The following MBOAT2 variants were observed in gnomAD, a reference collection of about 807,000 sequenced individuals.
MBOAT2 encodes membrane bound glycerophospholipid O-acyltransferase 2.
MBOAT2 carries 28 observed loss-of-function variants against 63.4 expected under a neutral mutation model. The observed-to-expected ratio is 0.44, with a 90% CI of 0.33 to 0.61. The LOEUF (loss-of-function observed/expected upper bound fraction) is 0.61. MBOAT2 is among the 20% of genes least tolerant of loss of function. The probability of loss-of-function intolerance (pLI) is 0.03; values close to 1 mark genes in which losing one functional copy is unlikely to be tolerated. For missense variants in MBOAT2, 470 were observed against 605.8 expected, an observed-to-expected ratio of 0.78 and a Z score of 2.35; for synonymous variants, 211 against 215.6, an observed-to-expected ratio of 0.98 and a Z score of 0.19.
At chr2:8,920,755 T>A (rs1374413564) in intron 3 of MBOAT2, among the ~76,000 whole-genome samples, 2 of 152,230 alleles carry the variant, frequency 1.3e-5, no homozygotes, top group Non-Finnish European at 2.9e-5. Context: ...TATTTCTAAG[T>A]ATTTTATTCT....
At chr2:8,879,188 A>C (rs991948826) in intron 6 of MBOAT2, among the ~76,000 whole-genome samples, 2 of 152,096 alleles carry the variant, frequency 1.3e-5, no homozygotes, top group Admixed American at 6.6e-5. Context: ...CTTTCTATTT[A>C]ATGATGAAAC....
intron 8 of MBOAT2, among the ~76,000 whole-genome samples, chr2:8,869,000 A>AT (rs1057442137): frequency 1.1e-4 from 17 of 151,732 alleles, no homozygotes; most frequent in African/African-American, 4.1e-4. Context: ...TTTTCCTTCC[A>AT]TTTTTTTTCT....
At chr2:8,991,072 C>T (rs1315655514) in intron 1 of MBOAT2, among the ~76,000 whole-genome samples, 3 of 152,120 alleles carry the variant, frequency 2.0e-5, no homozygotes, top group Admixed American at 2.0e-4. Flanking sequence ...CTGTGTCAGT[C>T]CTAGTATTAG....
chr2:8,999,282 C>T (rs530830703), intron 1 of MBOAT2, among the ~76,000 whole-genome samples: 1 of 152,302 alleles, frequency 6.6e-6, no homozygotes, highest in South Asian at 2.1e-4. Context: ...GATATCACAT[C>T]ACTAGGGAAA....
intron 3 of MBOAT2, among the ~76,000 whole-genome samples, chr2:8,929,590 C>T (rs1667176000): frequency 6.6e-6 from 1 of 152,224 alleles, no homozygotes; most frequent in Non-Finnish European, 1.5e-5. Flanking sequence ...TGAGCTCAAG[C>T]GATCTGCCTG....
At chr2:8,952,712 G>A (rs556899459) in intron 2 of MBOAT2, among the ~76,000 whole-genome samples, 5 of 150,256 alleles carry the variant, frequency 3.3e-5, no homozygotes, top group African/African-American at 1.2e-4. Flanking sequence ...ATGATTTTAT[G>A]CATGTAGGTT....
rs1661005162 is a variant in MBOAT2 at position 8,855,231 on chromosome 2, C to G, written c.*3448G>C. The stretch of plus-strand genomic sequence containing the variant: ...GCCCAAGTCCTTGAATCCTACAGAC[C>G]TTGCTAATGGCTCCGTTCACGACAC... On this transcript the variant is annotated 3_prime_UTR_variant, in exon 13 of 13. Coordinates refer to ENST00000305997, the MANE Select transcript of MBOAT2 (RefSeq NM_138799.4). The G allele has an allele frequency of 6.6e-6, 1 of 152,192 alleles. No individual in the cohort carries two copies. The highest frequency in any genetic ancestry group is 2.4e-5 in the African/African-American group (1 of 41,428). The allele number at this position is 152,192 out of a possible 1,614,324, so 9.4% of individuals were successfully genotyped here.
At chr2:8,865,970 G>A (rs1336651995) in intron 9 of MBOAT2, among the ~76,000 whole-genome samples, 1 of 152,204 alleles carries the variant, frequency 6.6e-6, no homozygotes, top group African/African-American at 2.4e-5. Flanking sequence ...CCGGGAGGCA[G>A]AGGTTGCAGT....
rs1208395818 is a variant in MBOAT2 at position 8,854,203 on chromosome 2, T to G, written c.*4476A>C. On this transcript the variant is annotated 3_prime_UTR_variant, in exon 13 of 13. Coordinates refer to ENST00000305997, the MANE Select transcript of MBOAT2 (RefSeq NM_138799.4). ...TGTTCTAATCTTTCAAACTCAAATT[T>G]CAGGGTGTATTTCTCTCCTTAAATG... The G allele has an allele frequency of 6.6e-6, 1 of 152,208 alleles. No homozygotes were observed. The highest frequency in any genetic ancestry group is 1.5e-5 in the Non-Finnish European group (1 of 68,036). 9.4% of individuals were successfully genotyped at this position (152,208 alleles called of 1,614,324 possible).
Position 8,855,449 on chromosome 2 carries a change from T to G in MBOAT2, c.*3230A>C, listed in dbSNP as rs1003838822. 1 of 152,236 alleles carries G rather than the reference T, an allele frequency of 6.6e-6. No homozygotes were observed. The highest frequency in any genetic ancestry group is 2.4e-5 in the African/African-American group (1 of 41,452). The allele number at this position is 152,236 out of a possible 1,614,324, so 9.4% of individuals were successfully genotyped here. A position where few individuals can be genotyped will look rare whatever the true frequency, so the allele number is the denominator to read the frequency against. On this transcript the variant is annotated 3_prime_UTR_variant, in exon 13 of 13. Transcript: ENST00000305997. ...CACTTTCTAGAAACCTCCTTTTTAC[T>G]GCACATTTTTCTCAAAAGTGGTATG...
At chr2:8,927,060 C>A (rs898626922) in intron 3 of MBOAT2, among the ~76,000 whole-genome samples, 1 of 152,136 alleles carries the variant, frequency 6.6e-6, no homozygotes, top group African/African-American at 2.4e-5. Flanking sequence ...TACCTGGGCA[C>A]CTTAGAGAGA....
chr2:8,907,618 G>A (rs1002879622), intron 4 of MBOAT2, among the ~76,000 whole-genome samples: 1 of 152,008 alleles, frequency 6.6e-6, no homozygotes, highest in Non-Finnish European at 1.5e-5. Flanking sequence ...TGCCCTTCCA[G>A]GTGTATCTCC....
chr2:9,001,809 T>G (rs1672708624), intron 1 of MBOAT2, among the ~76,000 whole-genome samples: 1 of 152,150 alleles, frequency 6.6e-6, no homozygotes, highest in South Asian at 2.1e-4. Context: ...AGAAAATATT[T>G]CAGCATAGCA....
chr2:8,961,770 A>T (rs1669619414), intron 1 of MBOAT2, among the ~76,000 whole-genome samples: 2 of 152,108 alleles, frequency 1.3e-5, no homozygotes, highest in South Asian at 4.2e-4. Context: ...ACACCCCTCA[A>T]ATCTCCACCC....
At chr2:8,948,336 A>C (rs1366564800) in intron 2 of MBOAT2, among the ~76,000 whole-genome samples, 2 of 152,200 alleles carry the variant, frequency 1.3e-5, no homozygotes, top group Non-Finnish European at 2.9e-5. Context: ...ACAACAACAA[A>C]AAATTTTTTT....
chr2:8,928,764 G>T (rs956799549), intron 3 of MBOAT2, among the ~76,000 whole-genome samples: 4 of 152,102 alleles, frequency 2.6e-5, no homozygotes, highest in Non-Finnish European at 5.9e-5. Context: ...ATCCTCAAAT[G>T]TTTCTACTGC....
At chr2:8,966,786 A>C (rs1573194148) in intron 1 of MBOAT2, among the ~76,000 whole-genome samples, 1 of 152,212 alleles carries the variant, frequency 6.6e-6, no homozygotes, top group African/African-American at 2.4e-5. Flanking sequence ...AGTGCTTTAG[A>C]AAAAAATTCA....
intron 3 of MBOAT2, among the ~76,000 whole-genome samples, chr2:8,940,590 G>C (rs1297303664): frequency 6.6e-6 from 1 of 152,146 alleles, no homozygotes; most frequent in Non-Finnish European, 1.5e-5. Flanking sequence ...ACTGTGCCTG[G>C]CCTAGATAAC....
At chr2:8,908,490 G>T in intron 4 of MBOAT2, 131 bp downstream of exon 4, 1 of 581,364 alleles carries the variant, frequency 1.7e-6, no homozygotes, top group Non-Finnish European at 3.1e-6. Flanking sequence ...TCTAAATTTA[G>T]AAAGAAATTT....
Sources: gnomAD v4.1 joint callset for allele counts (sites outside exome capture counted in the v4.1 genomes callset) on GRCh38, gnomAD v4.1.1 for gene constraint, MANE v1.5 for transcripts, NCBI Gene and HGNC (gene_info 2026-07-23, HGNC 2026-07-21) for gene names.